Variants in PTPRD observed in about 807,000 individuals in gnomAD.
The protein encoded by PTPRD is protein tyrosine phosphatase receptor type D, also known as receptor-type tyrosine-protein phosphatase delta.
In PTPRD, 34 loss-of-function variants were observed where a neutral mutation model predicts 214.5. The observed-to-expected ratio is 0.16, with a 90% CI of 0.12 to 0.21. PTPRD has a LOEUF of 0.21. Among genes scored for constraint, PTPRD ranks in the 10% least tolerant of loss-of-function variants. The pLI is 1.00. For missense variants in PTPRD, 2,545 were observed against 2,398.7 expected, an observed-to-expected ratio of 1.06 and a Z score of -1.27; for synonymous variants, 1,128 against 845.7, an observed-to-expected ratio of 1.33 and a Z score of -5.79.
intron 11 of PTPRD, among the ~76,000 whole-genome samples, chr9:8,803,388 G>A (rs62530575): frequency 0.037 from 5,581 of 152,150 alleles, 139 homozygotes; most frequent in Non-Finnish European, 0.052. Flanking sequence ...TAGTTTTGCC[G>A]ATGAGAAAAT....
At chr9:8,345,591 G>C (rs190959440) in intron 39 of PTPRD, among the ~76,000 whole-genome samples, 98 of 152,074 alleles carry the variant, frequency 6.4e-4, no homozygotes, top group African/African-American at 2.1e-3. Flanking sequence ...TGGTAGCAAG[G>C]GTGGAGATTG....
intron 7 of PTPRD, among the ~76,000 whole-genome samples, chr9:9,677,088 T>C (rs1316257777): frequency 1.3e-5 from 2 of 152,144 alleles, no homozygotes; most frequent in African/African-American, 2.4e-5. Context: ...GCCTGTTCAC[T>C]CTGATGGTAG....
At chr9:9,759,977 T>G (rs2098637070) in intron 6 of PTPRD, among the ~76,000 whole-genome samples, 1 of 152,190 alleles carries the variant, frequency 6.6e-6, no homozygotes, top group Non-Finnish European at 1.5e-5. Context: ...TAACCTGGTG[T>G]TGTACATTTT....
chr9:9,943,028 CGG>C (rs2091892777), intron 4 of PTPRD, among the ~76,000 whole-genome samples: 1 of 151,874 alleles, frequency 6.6e-6, no homozygotes, highest in Non-Finnish European at 1.5e-5. Context: ...TGCACTAACT[CGG>C]GGCAAAAGCT....
chr9:9,900,353 A>G (rs2076095803), intron 5 of PTPRD, among the ~76,000 whole-genome samples: 1 of 152,200 alleles, frequency 6.6e-6, no homozygotes, highest in Non-Finnish European at 1.5e-5. Flanking sequence ...ATCACCCTTA[A>G]GTTCAAACTT....
intron 2 of PTPRD, among the ~76,000 whole-genome samples, chr9:10,510,354 T>C (rs958132148): frequency 2.6e-5 from 4 of 152,132 alleles, no homozygotes; most frequent in African/African-American, 4.8e-5. Context: ...CACAGCTTTA[T>C]GGGTTTGAAA....
chr9:9,918,089 A>G (rs1022396667), intron 5 of PTPRD, among the ~76,000 whole-genome samples: 3 of 152,006 alleles, frequency 2.0e-5, no homozygotes, highest in African/African-American at 7.2e-5. Context: ...AAAGGAATAC[A>G]AATTGGAAAG....
intron 8 of PTPRD, among the ~76,000 whole-genome samples, chr9:9,515,520 A>G (rs956907005): frequency 1.3e-5 from 2 of 152,122 alleles, no homozygotes; most frequent in African/African-American, 2.4e-5. Context: ...ATGTATCACT[A>G]CATATAAGAG....
intron 7 of PTPRD, among the ~76,000 whole-genome samples, chr9:9,700,320 T>C (rs2097470536): frequency 6.6e-6 from 1 of 152,100 alleles, no homozygotes; most frequent in South Asian, 2.1e-4. Context: ...TCTGGCAGTA[T>C]TAGAGAAATA....
At chr9:10,355,152 A>G (rs1482151817) in intron 2 of PTPRD, among the ~76,000 whole-genome samples, 1 of 152,214 alleles carries the variant, frequency 6.6e-6, no homozygotes, top group African/African-American at 2.4e-5. Context: ...CAAAATTTTG[A>G]CATTTACTTC....
At chr9:10,147,032 G>A (rs544575989) in intron 3 of PTPRD, among the ~76,000 whole-genome samples, 6 of 152,110 alleles carry the variant, frequency 3.9e-5, no homozygotes, top group Non-Finnish European at 8.8e-5. Context: ...ATTCTACCCC[G>A]TGCCAAAATG....
chr9:9,745,099 T>G (rs1001948610), intron 6 of PTPRD, among the ~76,000 whole-genome samples: 2 of 152,068 alleles, frequency 1.3e-5, no homozygotes, highest in Admixed American at 1.3e-4. Context: ...AAAAGTAACT[T>G]AATTATTAAA....
intron 5 of PTPRD, among the ~76,000 whole-genome samples, chr9:9,832,954 A>C (rs959777866): frequency 1.3e-5 from 2 of 151,978 alleles, no homozygotes; most frequent in Middle Eastern, 3.4e-3. Flanking sequence ...AATTTTAAGT[A>C]ATATTATTTT....
chr9:10,285,856 G>C (rs371584835), intron 3 of PTPRD, among the ~76,000 whole-genome samples: 2 of 151,896 alleles, frequency 1.3e-5, no homozygotes, highest in African/African-American at 4.8e-5. Flanking sequence ...CGATCCGCCC[G>C]CCTCGGCCTC....
chr9:9,485,387 G>A (rs527716199), intron 8 of PTPRD, among the ~76,000 whole-genome samples: 1 of 152,242 alleles, frequency 6.6e-6, no homozygotes, highest in South Asian at 2.1e-4. Flanking sequence ...CATAAATGCA[G>A]CTGGTTAAAT....
chr9:10,584,355 A>G (rs2073184620), intron 2 of PTPRD, among the ~76,000 whole-genome samples: 1 of 152,172 alleles, frequency 6.6e-6, no homozygotes, highest in Non-Finnish European at 1.5e-5. Context: ...CAGAAGATAA[A>G]CAGAATTATT....
intron 36 of PTPRD, among the ~76,000 whole-genome samples, chr9:8,399,370 C>G (rs574479567): frequency 6.6e-6 from 1 of 152,136 alleles, no homozygotes; most frequent in East Asian, 1.9e-4. Flanking sequence ...TGTAAGTGCT[C>G]TATGTTTTCA....
At chr9:10,424,557 G>A (rs1236772847) in intron 2 of PTPRD, among the ~76,000 whole-genome samples, 1 of 151,886 alleles carries the variant, frequency 6.6e-6, no homozygotes, top group African/African-American at 2.4e-5. Context: ...ATGCTCTCCT[G>A]ACGCTTACTT....
At chr9:8,992,590 G>A (rs1205639138) in intron 11 of PTPRD, among the ~76,000 whole-genome samples, 1 of 152,132 alleles carries the variant, frequency 6.6e-6, no homozygotes, top group East Asian at 1.9e-4. Context: ...TTTATGGTGA[G>A]ATAGGGTTCA....
Sources: allele counts gnomAD v4.1 joint callset (sites outside exome capture counted in the v4.1 genomes callset), GRCh38; gene constraint gnomAD v4.1.1; transcripts MANE v1.5; gene names NCBI Gene and HGNC (gene_info 2026-07-23, HGNC 2026-07-21).